Variants in ANKS1A observed in about 807,000 individuals in gnomAD.
ANKS1A encodes the protein ankyrin repeat and sterile alpha motif domain containing 1A, also known as ankyrin repeat and SAM domain-containing protein 1A.
In ANKS1A, 55 loss-of-function variants were observed where a neutral mutation model predicts 120.3. The ratio of observed to expected loss-of-function variants is 0.46; its 90% CI spans 0.37 to 0.57. ANKS1A has a LOEUF of 0.57. Ranked by LOEUF, ANKS1A falls within the 20% of genes least tolerant of loss-of-function variation. ANKS1A has a pLI of 0.00. For missense variants in ANKS1A, 1,123 were observed against 1,480.3 expected (o/e 0.76, Z 3.96); for synonymous variants, 590 against 604.7 (o/e 0.98, Z 0.36).
intron 13 of ANKS1A, among the ~76,000 whole-genome samples, chr6:35,067,373 C>T (rs1298384345): frequency 6.6e-6 from 1 of 152,190 alleles, no homozygotes; most frequent in African/African-American, 2.4e-5. Context: ...TGGCTGAGAC[C>T]AGAAACCTGT....
intron 13 of ANKS1A, among the ~76,000 whole-genome samples, chr6:35,078,347 C>T (rs768319288): frequency 2.0e-5 from 3 of 152,134 alleles, no homozygotes. Context: ...CCTCAGCACC[C>T]TGTGCATATT....
At chr6:34,893,385 C>T (rs551404421) in intron 1 of ANKS1A, among the ~76,000 whole-genome samples, 15 of 152,300 alleles carry the variant, frequency 9.8e-5, no homozygotes, top group African/African-American at 3.4e-4. Context: ...GATCTTCCTG[C>T]CTCAGCCTCC....
intron 1 of ANKS1A, among the ~76,000 whole-genome samples, chr6:34,918,290 G>T (rs1366886650): frequency 1.3e-5 from 2 of 152,170 alleles, no homozygotes; most frequent in Admixed American, 6.5e-5. Context: ...AGTTGGCCTA[G>T]GTTCAAATGC....
intron 1 of ANKS1A, among the ~76,000 whole-genome samples, chr6:34,939,649 G>T (rs1303278761): frequency 6.6e-6 from 1 of 151,902 alleles, no homozygotes; most frequent in Non-Finnish European, 1.5e-5. Flanking sequence ...GGAGTTCCAG[G>T]TTACAATGAG....
chr6:34,929,469 T>C (rs1768871295), intron 1 of ANKS1A, among the ~76,000 whole-genome samples: 1 of 152,242 alleles, frequency 6.6e-6, no homozygotes, highest in Admixed American at 6.5e-5. Context: ...TTGCTTTCCA[T>C]TCACCTGTGC....
At chr6:34,958,102 G>A (rs1423865435) in intron 1 of ANKS1A, among the ~76,000 whole-genome samples, 4 of 152,080 alleles carry the variant, frequency 2.6e-5, no homozygotes, top group East Asian at 1.9e-4. Flanking sequence ...CCCTCATATC[G>A]ACCTACTGAC....
chr6:34,916,321 T>C (rs1391078573), intron 1 of ANKS1A, among the ~76,000 whole-genome samples: 1 of 152,130 alleles, frequency 6.6e-6, no homozygotes, highest in Non-Finnish European at 1.5e-5. Flanking sequence ...GTTAACACGC[T>C]GAGGAAAGTC....
intron 1 of ANKS1A, among the ~76,000 whole-genome samples, chr6:34,932,308 G>C (rs578040416): frequency 9.9e-5 from 15 of 151,976 alleles, no homozygotes; most frequent in African/African-American, 3.4e-4. Flanking sequence ...GCCTCAGCCT[G>C]CCGAGTAACT....
chr6:34,931,469 A>G (rs1768977975), intron 1 of ANKS1A, among the ~76,000 whole-genome samples: 1 of 151,878 alleles, frequency 6.6e-6, no homozygotes, highest in African/African-American at 2.4e-5. Flanking sequence ...TCAATATTGG[A>G]CCTTTTATGC....
At position 34,903,717 on chromosome 6, in the gene ANKS1A, A is replaced by G. The variant is rs183424468; in HGVS notation, c.197+14118A>G. ...ATTTCAGTAGAGACGGGGTTTCACC[A>G]TGTTGGCCAGGATGGTCTCGATCTC... is the stretch of plus-strand genomic sequence containing the variant. On this transcript the variant is annotated intron_variant, in intron 1 of 23. Transcript: ENST00000360359. 1.7e-3 allele frequency among the ~76,000 whole-genome samples: 257 copies of G among 152,246 alleles called. 1 individual carries two copies. Among genetic ancestry groups the G allele is most frequent in the Non-Finnish European group, 2.7e-3 (186 of 68,012 alleles).
chr6:34,927,477 G>A (rs1435498311), intron 1 of ANKS1A, among the ~76,000 whole-genome samples: 1 of 151,942 alleles, frequency 6.6e-6, no homozygotes, highest in Non-Finnish European at 1.5e-5. Flanking sequence ...TGCTCATTTG[G>A]GCCACTAGGG....
At chr6:34,915,664 G>A (rs1768121650) in intron 1 of ANKS1A, among the ~76,000 whole-genome samples, 1 of 152,048 alleles carries the variant, frequency 6.6e-6, no homozygotes, top group Admixed American at 6.6e-5. Flanking sequence ...TGGTTAGCAA[G>A]TAACAGTTTG....
chr6:35,086,987 C>T lies in ANKS1A; in HGVS notation c.3339C>T (p.Ser1113=), dbSNP rs372946772. 7.4e-5 allele frequency: 120 copies of T among 1,614,066 alleles called. No individual in the cohort carries two copies. The highest frequency in any genetic ancestry group is 9.5e-5 in the Non-Finnish European group (112 of 1,180,036). The change falls in exon 23 of 24, where the codon TCC becomes TCT. Residue 1113 remains serine (S), a synonymous_variant. Coordinates refer to ENST00000360359, the MANE Select transcript of ANKS1A (RefSeq NM_015245.3). This position sits in a 1 kb window ranked among gnomAD's most constrained non-coding sequence, Gnocchi z 5.1. ...CTGATATGGACCAAGATGCCCAATC[C>T]CATGCCAGTGTCTCCTGGGTTGTGG... ...EPPDMDQDAQ[S]HASVSWVVDP...
chr6:35,074,454 A>T (rs1777241274), intron 13 of ANKS1A, among the ~76,000 whole-genome samples: 2 of 151,166 alleles, frequency 1.3e-5, no homozygotes, highest in East Asian at 3.9e-4. Flanking sequence ...AAAAATAGCC[A>T]GGCATGGTGG....
intron 10 of ANKS1A, among the ~76,000 whole-genome samples, chr6:35,004,145 G>A (rs1272462640): frequency 2.5e-5 from 2 of 79,140 alleles, no homozygotes; most frequent in Admixed American, 2.7e-4. Context: ...CCTCTCACAC[G>A]GACCCCCCCT....
intron 10 of ANKS1A, among the ~76,000 whole-genome samples, chr6:35,007,177 T>C (rs920296231): frequency 3.9e-5 from 6 of 152,202 alleles, no homozygotes; most frequent in Admixed American, 1.3e-4. Context: ...GGGTTGCTAC[T>C]GGCATTTTGC....
chr6:34,927,127 A>G (rs975488679), intron 1 of ANKS1A, among the ~76,000 whole-genome samples: 4 of 152,158 alleles, frequency 2.6e-5, no homozygotes, highest in African/African-American at 7.2e-5. Flanking sequence ...AGAGTACTAA[A>G]TCATATTACG....
At chr6:34,928,282 G>A (rs1261908093) in intron 1 of ANKS1A, among the ~76,000 whole-genome samples, 2 of 152,146 alleles carry the variant, frequency 1.3e-5, no homozygotes, top group Non-Finnish European at 2.9e-5. Flanking sequence ...CACAGTGGAA[G>A]AAGAGAGCAG....
chr6:35,004,838 G>C (rs1033920033), intron 10 of ANKS1A, among the ~76,000 whole-genome samples: 6 of 152,218 alleles, frequency 3.9e-5, no homozygotes, highest in Admixed American at 1.3e-4. Flanking sequence ...GAAAGAAAGT[G>C]TGGTGTATAT....
Sources: allele counts gnomAD v4.1 joint callset (sites outside exome capture counted in the v4.1 genomes callset), GRCh38; gene constraint gnomAD v4.1.1; non-coding constraint Gnocchi (gnomAD v3.1); transcripts MANE v1.5; gene names NCBI Gene and HGNC (gene_info 2026-07-23, HGNC 2026-07-21).